The following GLCCI1 variants were observed in gnomAD, a reference collection of about 807,000 sequenced individuals.
GLCCI1 encodes the protein glucocorticoid-induced transcript 1 protein.
Under a neutral mutation model 52.2 loss-of-function variants are expected in GLCCI1, and 24 were observed. That is an observed-to-expected ratio of 0.46 (90% confidence interval 0.33 to 0.65). The LOEUF (loss-of-function observed/expected upper bound fraction) is 0.65, where lower values mean the gene tolerates loss of function less well. GLCCI1 is among the 30% of genes least tolerant of loss of function. The pLI is 0.02. For missense variants in GLCCI1, 704 were observed against 701.5 expected (o/e 1.00, Z -0.04); for synonymous variants, 310 against 276.5 (o/e 1.12, Z -1.20).
rs1171623948 is a variant in GLCCI1, at chr7:8,087,071, G to C, written c.*533G>C. The C allele has an allele frequency of 1.3e-5, 2 of 152,472 alleles. No homozygotes were observed. Among genetic ancestry groups the C allele is most frequent in the African/African-American group, 4.8e-5 (2 of 41,286 alleles). 9.4% of individuals were successfully genotyped at this position (152,472 alleles called of 1,614,324 possible). On this transcript the variant is annotated 3_prime_UTR_variant, in exon 8 of 8. Coordinates refer to ENST00000223145, the MANE Select transcript of GLCCI1 (RefSeq NM_138426.4). ...TACTTCAGTTGAAGTCTAAACTCAGGTAACTTGGAATGTATATCATATTGG... is the reference window on the plus strand; with the variant it reads ...TACTTCAGTTGAAGTCTAAACTCAGCTAACTTGGAATGTATATCATATTGG...
At chr7:8,032,160 A>G (rs933402357) in intron 3 of GLCCI1, among the ~76,000 whole-genome samples, 3 of 152,042 alleles carry the variant, frequency 2.0e-5, no homozygotes, top group African/African-American at 7.2e-5. Context: ...CAAATATTTG[A>G]CAATTAAGGA....
At chr7:8,052,448 T>C (rs964759927) in intron 3 of GLCCI1, among the ~76,000 whole-genome samples, 5 of 152,174 alleles carry the variant, frequency 3.3e-5, no homozygotes, top group Non-Finnish European at 5.9e-5. Context: ...GGCTTAAAAG[T>C]TTAGTTATCA....
At chr7:7,978,135 C>T (rs970845930) in intron 1 of GLCCI1, among the ~76,000 whole-genome samples, 2 of 152,160 alleles carry the variant, frequency 1.3e-5, no homozygotes, top group South Asian at 2.1e-4. Context: ...CCTTTGGTCC[C>T]TAAAGGACCT....
At chr7:8,078,970 A>G (rs1782932797) in intron 6 of GLCCI1, among the ~76,000 whole-genome samples, 1 of 152,204 alleles carries the variant, frequency 6.6e-6, no homozygotes, top group African/African-American at 2.4e-5. Flanking sequence ...GAAATGCTAA[A>G]TTTTATCTAA....
intron 1 of GLCCI1, among the ~76,000 whole-genome samples, chr7:7,978,022 C>T (rs145559170): frequency 9.1e-4 from 139 of 152,164 alleles, no homozygotes; most frequent in African/African-American, 3.2e-3. Context: ...AGCTTTGGGG[C>T]GGTGAGGGAA....
intron 1 of GLCCI1, 196 bp downstream of exon 1, chr7:7,970,003 A>C: frequency 1.7e-6 from 1 of 578,696 alleles, no homozygotes; most frequent in Non-Finnish European, 2.3e-6. Flanking sequence ...TTTGACCCTC[A>C]TGCCGCCCCT....
intron 2 of GLCCI1, among the ~76,000 whole-genome samples, chr7:8,019,946 T>G (rs933575082): frequency 7.9e-5 from 12 of 152,182 alleles, no homozygotes; most frequent in South Asian, 4.1e-4. Context: ...TACTGTAGAC[T>G]TTCTAAGCAC....
intron 3 of GLCCI1, among the ~76,000 whole-genome samples, chr7:8,040,118 G>A (rs778121424): frequency 6.6e-6 from 1 of 151,904 alleles, no homozygotes; most frequent in African/African-American, 2.4e-5. Flanking sequence ...TCATCAAAGA[G>A]AATGTATGAA....
intron 3 of GLCCI1, among the ~76,000 whole-genome samples, chr7:8,045,458 C>T (rs748174304): frequency 6.6e-6 from 1 of 152,108 alleles, no homozygotes; most frequent in Non-Finnish European, 1.5e-5. Context: ...GATGAAAGGA[C>T]CTATTGTACA....
intron 1 of GLCCI1, among the ~76,000 whole-genome samples, chr7:7,994,786 T>C (rs1330730021): frequency 3.3e-5 from 5 of 152,224 alleles, no homozygotes; most frequent in African/African-American, 1.2e-4. Flanking sequence ...AACTTCTATA[T>C]AAGGAACAGT....
rs1472163426 is a variant in GLCCI1 at position 8,068,882 on chromosome 7, C to G, written c.967-2039C>G. ...AGCTGACTTATTGTCCTTAGTTTCA[C>G]AGGAGGGTTTATTAACTAAGTATTT... On this transcript the variant is annotated intron_variant, in intron 5 of 7. Transcript: ENST00000223145. Among the ~76,000 whole-genome samples, 4 of 152,214 alleles carry G rather than the reference C, an allele frequency of 2.6e-5. 1 individual carries two copies. In the East Asian group the frequency reaches 7.7e-4, roughly 29 times the overall value.
intron 3 of GLCCI1, among the ~76,000 whole-genome samples, chr7:8,050,635 A>G (rs918600418): frequency 6.6e-6 from 1 of 152,198 alleles, no homozygotes; most frequent in Non-Finnish European, 1.5e-5. Context: ...TGTTTTAGGG[A>G]AGGAGTTATC....
At chr7:8,035,994 G>A (rs950917833) in intron 3 of GLCCI1, among the ~76,000 whole-genome samples, 1 of 152,224 alleles carries the variant, frequency 6.6e-6, no homozygotes, top group African/African-American at 2.4e-5. Flanking sequence ...AGGCTACTGT[G>A]CATTACACAG....
chr7:7,978,412 C>A (rs1166049710), intron 1 of GLCCI1, among the ~76,000 whole-genome samples: 1 of 152,088 alleles, frequency 6.6e-6, no homozygotes, highest in Non-Finnish European at 1.5e-5. Context: ...GCAATGCACA[C>A]TACCTTAAAA....
intron 3 of GLCCI1, among the ~76,000 whole-genome samples, chr7:8,054,272 C>T (rs1429959218): frequency 5.3e-5 from 8 of 152,068 alleles, no homozygotes; most frequent in African/African-American, 1.9e-4. Context: ...TTAATGTTCT[C>T]TGCAAGAAAA....
rs1348632672 is a variant in GLCCI1, at chr7:8,087,695, A to G, written c.*1157A>G. On this transcript the variant is annotated 3_prime_UTR_variant, in exon 8 of 8. Transcript: ENST00000223145. Reference sequence around the variant, plus strand: ...GTTTAGGTGCATGATCTTCATTTACATAGAATACTTGGGTCTCAGAATTGA... The same window carrying G: ...GTTTAGGTGCATGATCTTCATTTACGTAGAATACTTGGGTCTCAGAATTGA... 1 of 152,548 alleles carries G rather than the reference A, an allele frequency of 6.6e-6. No homozygotes were observed. Among genetic ancestry groups the G allele is most frequent in the African/African-American group, 2.4e-5 (1 of 41,402 alleles). 9.4% of individuals were successfully genotyped at this position (152,548 alleles called of 1,614,324 possible).
chr7:8,047,164 G>A (rs552736678), intron 3 of GLCCI1, among the ~76,000 whole-genome samples: 14 of 152,266 alleles, frequency 9.2e-5, no homozygotes, highest in South Asian at 2.1e-4. Context: ...GTTAATGCTC[G>A]TATACAATGA....
At chr7:8,058,152 C>T (rs1411037218) in intron 4 of GLCCI1, among the ~76,000 whole-genome samples, 1 of 151,958 alleles carries the variant, frequency 6.6e-6, no homozygotes, top group Non-Finnish European at 1.5e-5. Flanking sequence ...ATTCAGTTTC[C>T]TCTTATATTA....
chr7:7,997,105 T>C (rs1780952125), intron 1 of GLCCI1, among the ~76,000 whole-genome samples: 1 of 152,236 alleles, frequency 6.6e-6, no homozygotes, highest in African/African-American at 2.4e-5. Flanking sequence ...CTAAATCTAG[T>C]AATAATTCTA....
Sources: allele counts gnomAD v4.1 joint callset (sites outside exome capture counted in the v4.1 genomes callset), GRCh38; gene constraint gnomAD v4.1.1; transcripts MANE v1.5; gene names NCBI Gene and HGNC (gene_info 2026-07-23, HGNC 2026-07-21).